ZNF536: variants seen among roughly 807,000 people sequenced by gnomAD.
ZNF536 encodes the protein zinc finger protein 536.
ZNF536 carries 13 observed loss-of-function variants against 84.5 expected under a neutral mutation model. The observed-to-expected ratio is 0.15, with a 90% CI of 0.10 to 0.24. The LOEUF is 0.24. ZNF536 is among the 10% of genes least tolerant of loss of function. The pLI is 1.00. For synonymous variants in ZNF536, 811 were observed against 742.5 expected, an observed-to-expected ratio of 1.09 and a Z score of -1.50; for missense variants, 1,536 against 1,747.5, an observed-to-expected ratio of 0.88 and a Z score of 2.16.
intron 4 of ZNF536, among the ~76,000 whole-genome samples, chr19:30,551,988 T>G (rs1233213972): frequency 6.6e-6 from 1 of 152,152 alleles, no homozygotes; most frequent in East Asian, 1.9e-4. Context: ...ATATTCATCC[T>G]TTCTAAAAGT....
intron 1 of ZNF536, among the ~76,000 whole-genome samples, chr19:30,654,270 A>G (rs1167029239): frequency 1.3e-5 from 2 of 152,196 alleles, no homozygotes; most frequent in African/African-American, 4.8e-5. Flanking sequence ...CGCCCGGCAT[A>G]GTAATCACCC....
intron 3 of ZNF536, among the ~76,000 whole-genome samples, chr19:30,364,068 A>C (rs1195414157): frequency 1.3e-5 from 2 of 152,202 alleles, no homozygotes; most frequent in Non-Finnish European, 1.5e-5. Context: ...TGTATAGGAT[A>C]TAGCATAAGA....
At chr19:30,399,968 G>A (rs368178121) in intron 1 of ZNF536, among the ~76,000 whole-genome samples, 2 of 152,144 alleles carry the variant, frequency 1.3e-5, no homozygotes, top group Admixed American at 6.5e-5. Flanking sequence ...GATTACAGGC[G>A]TGAGCCACCG....
At chr19:30,280,132 T>TGCACTTTCATCCTTCCATCC (rs2045387182) in intron 1 of ZNF536, among the ~76,000 whole-genome samples, 1 of 152,130 alleles carries the variant, frequency 6.6e-6, no homozygotes, top group Non-Finnish European at 1.5e-5. Context: ...TCTGTCCATC[T>TGCACTTTCATCCTTCCATCC]GCACTTTCAT....
chr19:30,363,274 T>G (rs1240487686), intron 3 of ZNF536, among the ~76,000 whole-genome samples: 1 of 152,160 alleles, frequency 6.6e-6, no homozygotes, highest in Non-Finnish European at 1.5e-5. Context: ...ATCGGCAGCA[T>G]GTATGTTCAG....
Position 30,557,169 on chromosome 19 carries a change from C to G in ZNF536, c.*5C>G, listed in dbSNP as rs2146372125. The G allele has an allele frequency of 1.2e-6, 2 of 1,613,732 alleles. No individual in the cohort carries two copies. The highest frequency in any genetic ancestry group is 2.2e-5 in the South Asian group (2 of 90,976). ...CATTTTCTTGCAGGTAAGTGACACT[C>G]CCTGTCCTAGTCGGTCTATCTGGAC... On this transcript the variant is annotated 3_prime_UTR_variant, in exon 5 of 5. Transcript: ENST00000355537.
intron 1 of ZNF536, among the ~76,000 whole-genome samples, chr19:30,652,318 G>T (rs2049737862): frequency 6.6e-6 from 1 of 152,110 alleles, no homozygotes; most frequent in African/African-American, 2.4e-5. Context: ...TTTTTCTAAA[G>T]AAAAGTTAAG....
At position 30,549,069 on chromosome 19, in the gene ZNF536, C is replaced by T. The variant is rs765073627; in HGVS notation, c.3450C>T (p.Pro1150=). Residue 1150 remains proline, a synonymous_variant, in exon 4 of 5, where the codon CCC becomes CCT. Transcript: ENST00000355537. ...HSEEDVPILI[P]ETTSKNTTDD... is the part of the protein sequence containing the mutation. Reference sequence around the variant, plus strand: ...AAGAGGATGTCCCCATCCTGATCCCCGAAACCACGAGTAAGAACACTACTG... The same window carrying T: ...AAGAGGATGTCCCCATCCTGATCCCTGAAACCACGAGTAAGAACACTACTG... 1.5e-5 allele frequency: 25 copies of T among 1,614,048 alleles called. No individual in the cohort carries two copies. The highest frequency in any genetic ancestry group is 4.0e-5 in the African/African-American group (3 of 74,916).
At chr19:30,325,694 G>A (rs776892885) in intron 2 of ZNF536, among the ~76,000 whole-genome samples, 27 of 152,196 alleles carry the variant, frequency 1.8e-4, no homozygotes, top group Non-Finnish European at 3.4e-4. Flanking sequence ...CTGGCATTGC[G>A]CATGGTGTCC....
At chr19:30,565,167 C>CTTTTT (rs75043710) in intron 1 of ZNF536, among the ~76,000 whole-genome samples, 2 of 142,436 alleles carry the variant, frequency 1.4e-5, no homozygotes, top group African/African-American at 2.6e-5. Context: ...GACCCCTTTC[C>CTTTTT]TTTTTTTTTT....
intron 1 of ZNF536, among the ~76,000 whole-genome samples, chr19:30,580,110 T>A (rs1396220417): frequency 6.6e-6 from 1 of 152,198 alleles, no homozygotes; most frequent in East Asian, 1.9e-4. Context: ...GGTCCTCTCC[T>A]GCTCTCTTGC....
chr19:30,419,530 A>G (rs1420889626), intron 1 of ZNF536, among the ~76,000 whole-genome samples: 2 of 152,150 alleles, frequency 1.3e-5, no homozygotes, highest in Non-Finnish European at 2.9e-5. Flanking sequence ...ACACACACAC[A>G]TATGCGTGTG....
chr19:30,384,338 C>CCCCTT (rs2049249281), intron 1 of ZNF536, among the ~76,000 whole-genome samples: 2 of 80,616 alleles, frequency 2.5e-5, no homozygotes, highest in African/African-American at 9.5e-5. Flanking sequence ...CCCCTCCCCT[C>CCCCTT]CCCTCCCCTT....
chr19:30,283,246 T>G (rs916994913), intron 1 of ZNF536, among the ~76,000 whole-genome samples: 1 of 152,220 alleles, frequency 6.6e-6, no homozygotes, highest in Non-Finnish European at 1.5e-5. Flanking sequence ...TTCCGTGACA[T>G]GGCAAAACAA....
chr19:30,699,183 T>G (rs1283215922), intron 1 of ZNF536, among the ~76,000 whole-genome samples: 2 of 152,132 alleles, frequency 1.3e-5, no homozygotes, highest in African/African-American at 2.4e-5. Context: ...CCTATCCCAG[T>G]CCTAGAATCA....
chr19:30,463,248 A>T (rs2053237657), intron 2 of ZNF536, among the ~76,000 whole-genome samples: 1 of 152,176 alleles, frequency 6.6e-6, no homozygotes, highest in Non-Finnish European at 1.5e-5. Context: ...GAGGAGAGGT[A>T]TCTGGGTTCT....
intron 1 of ZNF536, among the ~76,000 whole-genome samples, chr19:30,599,952 G>A (rs1001167251): frequency 5.3e-5 from 8 of 151,292 alleles, no homozygotes; most frequent in Non-Finnish European, 8.8e-5. Flanking sequence ...TGGGTGTGTC[G>A]TGTTTATGAT....
intron 1 of ZNF536, among the ~76,000 whole-genome samples, chr19:30,645,305 C>T (rs2049424171): frequency 6.6e-6 from 1 of 152,026 alleles, no homozygotes; most frequent in Non-Finnish European, 1.5e-5. Flanking sequence ...AAATTTTCTC[C>T]CATTCTGTAG....
chr19:30,275,103 G>T (rs900745585), intron 1 of ZNF536, among the ~76,000 whole-genome samples: 19 of 152,144 alleles, frequency 1.2e-4, no homozygotes, highest in African/African-American at 4.1e-4. Context: ...GAGATCCAGG[G>T]CAAAGACATT....
Sources: gnomAD v4.1 joint callset for allele counts (sites outside exome capture counted in the v4.1 genomes callset) on GRCh38, gnomAD v4.1.1 for gene constraint, MANE v1.5 for transcripts, NCBI Gene and HGNC (gene_info 2026-07-23, HGNC 2026-07-21) for gene names.